ITPRID1: variants seen among roughly 807,000 people sequenced by gnomAD.
The protein encoded by ITPRID1 is ITPR interacting domain containing 1.
ITPRID1 carries 96 observed loss-of-function variants against 95.4 expected under a neutral mutation model. That is an observed-to-expected ratio of 1.01 (90% CI 0.85 to 1.19). The LOEUF (loss-of-function observed/expected upper bound fraction) is 1.19, where lower values mean the gene tolerates loss of function less well. Ranked by LOEUF, ITPRID1 falls within the 50% of genes most tolerant of loss-of-function variation. The pLI is 0.00. For synonymous variants in ITPRID1, 510 were observed against 453.6 expected (o/e 1.12, Z -1.58); for missense variants, 1,339 against 1,252.9 (o/e 1.07, Z -1.04).
chr7:31,579,858 T>C (rs913106355), intron 9 of ITPRID1, among the ~76,000 whole-genome samples: 4 of 151,902 alleles, frequency 2.6e-5, no homozygotes, highest in Non-Finnish European at 4.4e-5. Context: ...AAATGAATAA[T>C]AATAATAAAA....
At chr7:31,521,618 CCCT>C (rs1346090266) in intron 1 of ITPRID1, among the ~76,000 whole-genome samples, 2 of 32,126 alleles carry the variant, frequency 6.2e-5, no homozygotes, top group Non-Finnish European at 1.2e-4. Flanking sequence ...TTTCTCCTTT[CCCT>C]CCTTCCTTCC....
chr7:31,615,779 A>C (rs1377507163), intron 10 of ITPRID1, among the ~76,000 whole-genome samples: 1 of 147,766 alleles, frequency 6.8e-6, no homozygotes, highest in Non-Finnish European at 1.5e-5. Context: ...TCTGAGACAG[A>C]GTCTCGCTCT....
chr7:31,611,027 ATTC>A (rs900516602), intron 10 of ITPRID1, among the ~76,000 whole-genome samples: 57 of 151,534 alleles, frequency 3.8e-4, no homozygotes, highest in African/African-American at 1.3e-3. Flanking sequence ...ATGTCTTTTT[ATTC>A]TTCTATTCCA....
At position 31,575,522 on chromosome 7, in the gene ITPRID1, C is replaced by T. The variant is rs149398783; in HGVS notation, c.598+780C>T. 2.1e-3 allele frequency among the ~76,000 whole-genome samples: 324 copies of T among 152,242 alleles called. 1 individual carries two copies. The highest frequency in any genetic ancestry group is 7.6e-3 in the African/African-American group (315 of 41,546). On this transcript the variant is annotated intron_variant, in intron 8 of 14. Transcript: ENST00000615280. ...AGTTTGGGGGAAAGATGCTTTGCAGCGTAATAGGTTTATTTACTGCAGGAT... is the reference window on the plus strand; with the variant it reads ...AGTTTGGGGGAAAGATGCTTTGCAGTGTAATAGGTTTATTTACTGCAGGAT...
chr7:31,569,264 TG>T (rs1191127154), intron 5 of ITPRID1, among the ~76,000 whole-genome samples: 2 of 152,186 alleles, frequency 1.3e-5, no homozygotes, highest in African/African-American at 4.8e-5. Flanking sequence ...TCATACATGC[TG>T]GGCCCTTCAT....
At chr7:31,630,975 A>T (rs1184198401) in intron 10 of ITPRID1, among the ~76,000 whole-genome samples, 5 of 152,190 alleles carry the variant, frequency 3.3e-5, no homozygotes, top group African/African-American at 1.2e-4. Flanking sequence ...TATGGAAGGA[A>T]CATAAATTGT....
chr7:31,656,977 C>T (rs755043898), downstream of ITPRID1, among the ~76,000 whole-genome samples: 4 of 150,130 alleles, frequency 2.7e-5, no homozygotes, highest in African/African-American at 7.4e-5. Context: ...GATTCTCAGG[C>T]CTTTAGGCTC....
rs540936254 is a variant in ITPRID1, at chr7:31,574,748, C to T, written c.598+6C>T. ...TGAGAACCCCAACTTGTACGGTAAG[C>T]GAGGTGCCTGTGGCATTCGCATCTC... On this transcript the variant is annotated splice_donor_region_variant and intron_variant, in intron 8 of 14. Transcript: ENST00000615280. 8 of 1,613,232 alleles carry T rather than the reference C, an allele frequency of 5.0e-6. No individual in the cohort carries two copies. The highest frequency in any genetic ancestry group is 2.2e-5 in the East Asian group (1 of 44,804).
At position 31,642,986 on chromosome 7, in the gene ITPRID1, A is replaced by G; in HGVS notation, c.1616A>G (p.His539Arg). The G allele has an allele frequency of 1.2e-6, 2 of 1,614,036 alleles. No individual in the cohort carries two copies. Among genetic ancestry groups the G allele is most frequent in the Non-Finnish European group, 1.7e-6 (2 of 1,179,878 alleles). ...GGAGAATGCCCAAGGAAAGACAGCC[A>G]TCTGTGGCAGCTTCTGCCAATGCCC... ...TRGECPRKDS[H>R]LWQLLPMPHA... The change falls in exon 12 of 15, where the codon CAT (histidine) becomes CGT (arginine). Residue 539 changes from histidine to arginine, a missense_variant. Transcript: ENST00000615280.
chr7:31,614,580 ATCCTTAGAACAGT>A (rs1787033203), intron 10 of ITPRID1, among the ~76,000 whole-genome samples: 1 of 152,210 alleles, frequency 6.6e-6, no homozygotes, highest in African/African-American at 2.4e-5. Context: ...CATATACCAG[ATCCTTAGAACAGT>A]TCCTGGTACG....
At chr7:31,624,999 G>T (rs1788310664) in intron 10 of ITPRID1, among the ~76,000 whole-genome samples, 1 of 152,190 alleles carries the variant, frequency 6.6e-6, no homozygotes, top group South Asian at 2.1e-4. Flanking sequence ...AGACATTTAT[G>T]CAGTCAAAAA....
At position 31,653,177 on chromosome 7, in the gene ITPRID1, G is replaced by T; in HGVS notation, c.*348G>T. 1 of 236,920 alleles carries T rather than the reference G, an allele frequency of 4.2e-6. No homozygotes were observed. The highest frequency in any genetic ancestry group is 8.0e-6 in the Non-Finnish European group (1 of 124,656). The allele number at this position is 236,920 out of a possible 1,614,324, so 14.7% of individuals were successfully genotyped here. Reference sequence around the variant, plus strand: ...CAATATAGAAGTTTATTTTGCCAAGGTTAAGGATACACACCCAGAAGACAG... The same window carrying T: ...CAATATAGAAGTTTATTTTGCCAAGTTTAAGGATACACACCCAGAAGACAG... On this transcript the variant is annotated 3_prime_UTR_variant, in exon 15 of 15. Coordinates refer to ENST00000615280, the MANE Select transcript of ITPRID1 (RefSeq NM_001257967.3).
intron 12 of ITPRID1, among the ~76,000 whole-genome samples, chr7:31,649,226 C>G (rs1016957095): frequency 6.6e-6 from 1 of 152,188 alleles, no homozygotes; most frequent in African/African-American, 2.4e-5. Flanking sequence ...GAAAGTATTT[C>G]CATTATGACA....
At chr7:31,643,983 G>A in intron 12 of ITPRID1, 30 bp downstream of exon 12, 2 of 1,567,868 alleles carry the variant, frequency 1.3e-6, no homozygotes, top group Non-Finnish European at 1.7e-6. Context: ...AAGATGGAAA[G>A]GCAGATGCAC....
intron 10 of ITPRID1, among the ~76,000 whole-genome samples, chr7:31,588,194 AG>A (rs1157652135): frequency 6.6e-6 from 1 of 152,194 alleles, no homozygotes; most frequent in Non-Finnish European, 1.5e-5. Context: ...AAGGTACTGA[AG>A]AGTGACCAAA....
At chr7:31,514,431 G>A (rs1411743248) in intron 1 of ITPRID1, among the ~76,000 whole-genome samples, 1 of 151,430 alleles carries the variant, frequency 6.6e-6, no homozygotes, top group Non-Finnish European at 1.5e-5. Context: ...GAGTTGAAAT[G>A]TAAGAAGGAA....
chr7:31,540,124 C>G (rs886611685), intron 1 of ITPRID1, among the ~76,000 whole-genome samples: 2 of 152,108 alleles, frequency 1.3e-5, no homozygotes, highest in Admixed American at 1.3e-4. Context: ...CTAGCTACTT[C>G]CTGCTGATGA....
chr7:31,570,305 G>A (rs962386172), intron 6 of ITPRID1, among the ~76,000 whole-genome samples: 8 of 152,238 alleles, frequency 5.3e-5, no homozygotes, highest in Admixed American at 4.6e-4. Flanking sequence ...TCATAGAAAT[G>A]CAAATTCCCA....
chr7:31,605,068 G>A (rs1786556037), intron 10 of ITPRID1, among the ~76,000 whole-genome samples: 1 of 152,054 alleles, frequency 6.6e-6, no homozygotes, highest in South Asian at 2.1e-4. Flanking sequence ...AACCTGGGAG[G>A]TGGAGGTTGC....
Sources: allele counts gnomAD v4.1 joint callset (sites outside exome capture counted in the v4.1 genomes callset), GRCh38; gene constraint gnomAD v4.1.1; transcripts MANE v1.5; gene names NCBI Gene and HGNC (gene_info 2026-07-23, HGNC 2026-07-21).